MYCBP2: variants seen among roughly 807,000 people sequenced by gnomAD.
The protein encoded by MYCBP2 is E3 ubiquitin-protein ligase MYCBP2.
MYCBP2 carries 120 observed loss-of-function variants against 525.3 expected under a neutral mutation model. The observed-to-expected ratio is 0.23, with a 90% CI of 0.20 to 0.27. The LOEUF is 0.27. MYCBP2 is among the 10% of genes least tolerant of loss of function. MYCBP2 has a pLI of 1.00. For synonymous variants in MYCBP2, 1,894 were observed against 1,955.8 expected, an observed-to-expected ratio of 0.97 and a Z score of 0.83; for missense variants, 4,149 against 5,657.1, an observed-to-expected ratio of 0.73 and a Z score of 8.55.
intron 55 of MYCBP2, chr13:77,118,575 C>T: frequency 1.4e-6 from 1 of 722,810 alleles, no homozygotes; most frequent in Non-Finnish European, 2.5e-6. Context: ...TGCTTTATGA[C>T]ATTCAGATAG....
chr13:77,313,008 T>G (rs1020567539), intron 1 of MYCBP2, among the ~76,000 whole-genome samples: 1 of 151,830 alleles, frequency 6.6e-6, no homozygotes, highest in African/African-American at 2.4e-5. Flanking sequence ...ACAGAACATA[T>G]CCTGGGCAAT....
In MYCBP2 at chr13:77,326,795, G is replaced by GC. The variant is rs2082373230; in HGVS notation, c.-21dup. On this transcript the variant is annotated 5_prime_UTR_variant, in exon 1 of 83. Coordinates refer to ENST00000544440, the MANE Select transcript of MYCBP2 (RefSeq NM_015057.5). This position sits in a 1 kb window ranked among gnomAD's most constrained non-coding sequence, Gnocchi z 4.2. ...CATCATCCTCGCCGCCGCCGCCGCC[G>GC]CCGCCGCCTCGTCCCCGCGGGCCGG... 1 of 1,399,028 alleles carries GC rather than the reference G, an allele frequency of 7.1e-7. No homozygotes were observed. The highest frequency in any genetic ancestry group is 9.2e-7 in the Non-Finnish European group (1 of 1,089,512). The allele number at this position is 1,399,028 out of a possible 1,614,324, so 86.7% of individuals were successfully genotyped here.
intron 2 of MYCBP2, among the ~76,000 whole-genome samples, chr13:77,295,701 T>G (rs1404459569): frequency 6.6e-6 from 1 of 152,206 alleles, no homozygotes; most frequent in Non-Finnish European, 1.5e-5. Context: ...TGTCTAGATG[T>G]TCAATAGAAA....
chr13:77,194,704 C>G (rs1451304275), intron 26 of MYCBP2, among the ~76,000 whole-genome samples: 1 of 151,964 alleles, frequency 6.6e-6, no homozygotes, highest in East Asian at 1.9e-4. Flanking sequence ...ACTAACAGTT[C>G]CCATCTCACA....
intron 16 of MYCBP2, 121 bp from the exon 17 acceptor site, chr13:77,243,281 AT>A: frequency 1.3e-6 from 1 of 773,166 alleles, no homozygotes; most frequent in Non-Finnish European, 2.2e-6. Flanking sequence ...AACACACAAT[AT>A]TTTTACTTTA....
At chr13:77,208,464 AT>A (rs2154278543) in intron 23 of MYCBP2, among the ~76,000 whole-genome samples, 1 of 152,352 alleles carries the variant, frequency 6.6e-6, no homozygotes, top group African/African-American at 2.4e-5. Context: ...ATTAAAAAAA[AT>A]CTAAAATGTT....
In MYCBP2 at chr13:77,211,187, A is replaced by C. The variant is rs370621222; in HGVS notation, c.3396T>G (p.Pro1132=). 2 of 1,489,444 alleles carry C rather than the reference A, an allele frequency of 1.3e-6. No individual in the cohort carries two copies. The highest frequency in any genetic ancestry group is 1.8e-6 in the Non-Finnish European group (2 of 1,117,224). 92.3% of individuals were successfully genotyped at this position (1,489,444 alleles called of 1,614,324 possible). A position where few individuals can be genotyped will look rare whatever the true frequency, so the allele number is the denominator to read the frequency against. Residue 1132 remains proline, a synonymous_variant, in exon 23 of 83, where the codon CCT becomes CCG. Transcript: ENST00000544440. The part of the protein sequence containing the change: ...DLQGFGVCLD[P]VYDVIWRFRP... Reference sequence around the variant, plus strand: ...CTTACCTCCAAATTACATCATATACAGGATCAAGACACACACCAAATCCTT... The same window carrying C: ...CTTACCTCCAAATTACATCATATACCGGATCAAGACACACACCAAATCCTT...
At chr13:77,069,386 G>T (rs544390178) in intron 69 of MYCBP2, among the ~76,000 whole-genome samples, 1 of 152,300 alleles carries the variant, frequency 6.6e-6, no homozygotes, top group South Asian at 2.1e-4. Context: ...AATTTGGGAG[G>T]CCGAGGCGGG....
chr13:77,125,558 G>C (rs1490201342), intron 53 of MYCBP2, 90 bp from the exon 54 acceptor site: 3 of 1,394,052 alleles, frequency 2.2e-6, no homozygotes, highest in Non-Finnish European at 3.0e-6. Context: ...TGTCTGAATA[G>C]TGTAATCATT....
chr13:77,099,339 A>C (rs1333069385), intron 55 of MYCBP2: 3 of 256,228 alleles, frequency 1.2e-5, no homozygotes, highest in Non-Finnish European at 2.3e-5. Context: ...GGGACTAGAA[A>C]GAGACAGAAA....
At chr13:77,245,810 G>A (rs1471430212) in intron 15 of MYCBP2, among the ~76,000 whole-genome samples, 1 of 148,124 alleles carries the variant, frequency 6.8e-6, no homozygotes, top group Non-Finnish European at 1.5e-5. Context: ...TCACACATTG[G>A]AAAGGAAAAA....
At chr13:77,181,606 T>A (rs1182081376) in intron 33 of MYCBP2, 95 bp downstream of exon 33, 14 of 862,898 alleles carry the variant, frequency 1.6e-5, no homozygotes, top group African/African-American at 5.1e-5. Flanking sequence ...GCTTGGTGTG[T>A]TTATAGTTTT....
At chr13:77,239,067 C>T (rs927769375) in intron 17 of MYCBP2, among the ~76,000 whole-genome samples, 1 of 152,006 alleles carries the variant, frequency 6.6e-6, no homozygotes, top group Non-Finnish European at 1.5e-5. Context: ...TTGCAGTGAG[C>T]CGAGATCGCA....
intron 26 of MYCBP2, among the ~76,000 whole-genome samples, chr13:77,204,065 G>C (rs1378023210): frequency 8.0e-5 from 12 of 150,156 alleles, no homozygotes; most frequent in African/African-American, 2.4e-4. Context: ...TTAAACTAAA[G>C]AGCTTCTGCA....
At chr13:77,295,846 T>C (rs12860226) in intron 2 of MYCBP2, among the ~76,000 whole-genome samples, 1 of 152,224 alleles carries the variant, frequency 6.6e-6, no homozygotes, top group African/African-American at 2.4e-5. Context: ...TATTCCATAT[T>C]GCCTTTTCTT....
intron 55 of MYCBP2, among the ~76,000 whole-genome samples, chr13:77,119,531 A>G (rs1263171174): frequency 6.6e-6 from 1 of 152,146 alleles, no homozygotes; most frequent in East Asian, 1.9e-4. Flanking sequence ...ATTTTCTAAA[A>G]TACTGTTTTA....
At position 77,070,589 on chromosome 13, in the gene MYCBP2, C is replaced by A. The variant is rs768966491; in HGVS notation, c.11904+42G>T. On this transcript the variant is annotated intron_variant, in intron 69 of 82. Coordinates refer to ENST00000544440, the MANE Select transcript of MYCBP2 (RefSeq NM_015057.5). ...AAACAAACAAACACACACACACACACACACAAAACTAATGAAGACAATGAA... is the reference window on the plus strand; with the variant it reads ...AAACAAACAAACACACACACACACAAACACAAAACTAATGAAGACAATGAA... 8.6e-6 allele frequency: 12 copies of A among 1,390,016 alleles called. No homozygotes were observed. The African/African-American group carries it at 1.7e-4, about 20-fold the overall frequency. The allele number at this position is 1,390,016 out of a possible 1,614,324, so 86.1% of individuals were successfully genotyped here.
rs2060091734 is a variant in MYCBP2, at chr13:77,180,242, A to C, written c.5018T>G (p.Val1673Gly). ...EKMLVIVVLP[V>G]RNSLRRENEL... ...ATTTTCTCTCCTCAGGCTGTTCCTG[A>C]CTGGTAGCACAACAATGACCAGCAT... Residue 1673 changes from valine (V) to glycine (G), a missense_variant, in exon 34 of 83, where the codon GTC becomes GGC. By Grantham distance (109) the Val-to-Gly change is moderately radical. Coordinates refer to ENST00000544440, the MANE Select transcript of MYCBP2 (RefSeq NM_015057.5). The C allele has an allele frequency of 1.9e-6, 3 of 1,614,150 alleles. No individual in the cohort carries two copies. The highest frequency in any genetic ancestry group is 2.5e-6 in the Non-Finnish European group (3 of 1,180,018).
rs56952443 is a variant in MYCBP2 at position 77,056,099 on chromosome 13, G to GGTGTGTGTGTGTGT, written c.13438-346_13438-333dup. Among the ~76,000 whole-genome samples, 151 of 120,592 alleles carry GGTGTGTGTGTGTGT rather than the reference G, an allele frequency of 1.3e-3. 1 individual carries two copies. The highest frequency in any genetic ancestry group is 4.0e-3 in the Middle Eastern group (1 of 248). 79.1% of individuals were successfully genotyped at this position (120,592 alleles called of 152,430 possible). ...CACAAATAAGACACGCTCTGTGTTT[G>GGTGTGTGTGTGTGT]GTGTGTGTGTGTGTGTGTGTGTGTG... On this transcript the variant is annotated intron_variant, in intron 79 of 82. Transcript: ENST00000544440.
Sources: allele counts gnomAD v4.1 joint callset (sites outside exome capture counted in the v4.1 genomes callset), GRCh38; gene constraint gnomAD v4.1.1; non-coding constraint Gnocchi (gnomAD v3.1); transcripts MANE v1.5; gene names NCBI Gene and HGNC (gene_info 2026-07-23, HGNC 2026-07-21).